The following RIMS2 variants were observed in gnomAD, a reference collection of about 807,000 sequenced individuals.
RIMS2 encodes regulating synaptic membrane exocytosis protein 2.
A neutral mutation model predicts 174.4 loss-of-function variants in RIMS2; 59 were observed. The observed-to-expected ratio is 0.34, with a 90% CI of 0.27 to 0.42. The LOEUF is 0.42. Among genes scored for constraint, RIMS2 ranks in the 10% least tolerant of loss-of-function variants. The pLI, the probability that RIMS2 is intolerant of heterozygous loss-of-function variation, is 1.00. For synonymous variants in RIMS2, 606 were observed against 572.5 expected (o/e 1.06, Z -0.84); for missense variants, 1,620 against 1,666.3 (o/e 0.97, Z 0.48).
chr8:103,569,161 A>G (rs2433254), intron 1 of RIMS2, among the ~76,000 whole-genome samples: 116,886 of 152,128 alleles, frequency 0.77, 45,090 homozygotes, highest in East Asian at 0.88. Flanking sequence ...AGAGTTTTAC[A>G]GTTTTGGCTT....
intron 13 of RIMS2, among the ~76,000 whole-genome samples, chr8:103,940,420 C>T (rs1334473216): frequency 6.6e-6 from 1 of 152,160 alleles, no homozygotes; most frequent in Non-Finnish European, 1.5e-5. Flanking sequence ...CCCACTGGGT[C>T]TCTCCCATGA....
At chr8:103,882,181 C>A (rs1270875706) in intron 3 of RIMS2, among the ~76,000 whole-genome samples, 6 of 151,172 alleles carry the variant, frequency 4.0e-5, no homozygotes, top group African/African-American at 1.5e-4. Context: ...AAATATTTTC[C>A]ACCTGATGAT....
chr8:104,247,789 G>T (rs1235423612), intron 20 of RIMS2, among the ~76,000 whole-genome samples: 1 of 152,164 alleles, frequency 6.6e-6, no homozygotes, highest in Non-Finnish European at 1.5e-5. Flanking sequence ...TGTAGACTAA[G>T]CAATTGGAAC....
chr8:104,061,957 C>T (rs2097001766), intron 19 of RIMS2, among the ~76,000 whole-genome samples: 1 of 151,844 alleles, frequency 6.6e-6, no homozygotes, highest in Admixed American at 6.6e-5. Context: ...GGTCAAAAAT[C>T]AAATGATCTA....
At chr8:103,859,061 T>A (rs1003359914) in intron 3 of RIMS2, among the ~76,000 whole-genome samples, 6 of 152,170 alleles carry the variant, frequency 3.9e-5, no homozygotes, top group African/African-American at 1.4e-4. Context: ...AATGTTATAA[T>A]TGGATACAGA....
At chr8:104,168,769 T>A (rs2441879) in intron 19 of RIMS2, among the ~76,000 whole-genome samples, 42,300 of 152,096 alleles carry the variant, frequency 0.28, 6,216 homozygotes, top group South Asian at 0.44. Context: ...TTCAGTATGA[T>A]GTTGGCTGTG....
At position 103,551,402 on chromosome 8, in the gene RIMS2, C is replaced by G. The variant is rs138854257; in HGVS notation, c.176+50340C>G. 7.3e-3 allele frequency among the ~76,000 whole-genome samples: 1,111 copies of G among 152,246 alleles called. 12 individuals carry two copies. Among genetic ancestry groups the G allele is most frequent in the Middle Eastern group, 0.01 (3 of 294 alleles). On this transcript the variant is annotated intron_variant, in intron 1 of 23. Transcript: ENST00000504942. ...AGGCCTTTGACAAAATTCAACAGCACTTCATTCTAAAAACTCTCAATAAAC... is the reference window on the plus strand; with the variant it reads ...AGGCCTTTGACAAAATTCAACAGCAGTTCATTCTAAAAACTCTCAATAAAC...
intron 16 of RIMS2, among the ~76,000 whole-genome samples, chr8:103,986,516 A>G (rs1361310237): frequency 6.6e-6 from 1 of 152,230 alleles, no homozygotes; most frequent in African/African-American, 2.4e-5. Context: ...GGAAACAACT[A>G]CAGATAAGAA....
intron 19 of RIMS2, among the ~76,000 whole-genome samples, chr8:104,235,683 T>G (rs1364378186): frequency 6.6e-6 from 1 of 152,180 alleles, no homozygotes; most frequent in East Asian, 1.9e-4. Context: ...TTCACATACA[T>G]ACACCACATA....
rs143840476 is a variant in RIMS2 at position 103,678,413 on chromosome 8, T to A, written c.177-18673T>A. Reference sequence around the variant, plus strand: ...GAGATTAATGAGATAATTACATACATGAACAAAAGGTGCAACTGTAGTAAA... The same window carrying A: ...GAGATTAATGAGATAATTACATACAAGAACAAAAGGTGCAACTGTAGTAAA... On this transcript the variant is annotated intron_variant, in intron 1 of 23. Coordinates refer to ENST00000504942, the Ensembl canonical transcript of RIMS2. Among the ~76,000 whole-genome samples the A allele has an allele frequency of 4.2e-3, 642 of 152,236 alleles. 4 individuals carry two copies. Among genetic ancestry groups the A allele is most frequent in the African/African-American group, 0.015 (612 of 41,568 alleles).
chr8:103,869,724 T>C (rs892787935), intron 3 of RIMS2, among the ~76,000 whole-genome samples: 3 of 152,224 alleles, frequency 2.0e-5, no homozygotes, highest in Non-Finnish European at 4.4e-5. Flanking sequence ...TAAGGGGCAC[T>C]TATACAAGTT....
intron 19 of RIMS2, among the ~76,000 whole-genome samples, chr8:104,042,340 A>G (rs1344444671): frequency 1.3e-5 from 2 of 151,640 alleles, no homozygotes; most frequent in Non-Finnish European, 3.0e-5. Flanking sequence ...TATGAAGATT[A>G]TGTAGGTTAC....
chr8:103,857,683 T>C (rs1406484415), intron 3 of RIMS2, among the ~76,000 whole-genome samples: 1 of 152,218 alleles, frequency 6.6e-6, no homozygotes. Context: ...CTAATCAATT[T>C]GTTGTTTTTA....
chr8:103,902,422 A>G (rs2073346128), intron 4 of RIMS2, among the ~76,000 whole-genome samples: 2 of 152,078 alleles, frequency 1.3e-5, no homozygotes, highest in African/African-American at 4.8e-5. Flanking sequence ...TGTGACTCAT[A>G]TACAAAGCCA....
At chr8:104,100,928 TG>T in intron 19 of RIMS2, among the ~76,000 whole-genome samples, 1 of 119,182 alleles carries the variant, frequency 8.4e-6, no homozygotes, top group East Asian at 2.5e-4. Context: ...ATTATATATG[TG>T]ATATATTATA....
At chr8:103,596,699 TCTGA>T (rs1454729055) in intron 1 of RIMS2, among the ~76,000 whole-genome samples, 3 of 152,030 alleles carry the variant, frequency 2.0e-5, no homozygotes, top group Non-Finnish European at 4.4e-5. Flanking sequence ...AATAAAAATA[TCTGA>T]CTGATTCTAA....
At chr8:103,970,709 C>T (rs1024864038) in intron 15 of RIMS2, among the ~76,000 whole-genome samples, 3 of 152,128 alleles carry the variant, frequency 2.0e-5, no homozygotes, top group Admixed American at 1.3e-4. Context: ...CCTGTTTTTG[C>T]CTGTCTCTTC....
rs1342654409 is a variant in RIMS2, at chr8:103,606,443, A to G, written c.177-90643A>G. On this transcript the variant is annotated intron_variant, in intron 1 of 23. Transcript: ENST00000504942. ...CAAGTATGTGGTCAATTTTGGAATA[A>G]GTGTGGTGTGGTGCTGAAAAAAATG... 1.2e-3 allele frequency among the ~76,000 whole-genome samples: 189 copies of G among 151,646 alleles called. 2 individuals carry two copies. Among genetic ancestry groups the G allele is most frequent in the South Asian group, 0.011 (54 of 4,774 alleles).
At chr8:103,677,752 C>T (rs1042133163) in intron 1 of RIMS2, among the ~76,000 whole-genome samples, 2 of 152,018 alleles carry the variant, frequency 1.3e-5, no homozygotes, top group Non-Finnish European at 2.9e-5. Flanking sequence ...AGGTAGCCCC[C>T]CAACCAGAAC....
Sources: allele counts gnomAD v4.1 joint callset (sites outside exome capture counted in the v4.1 genomes callset), GRCh38; gene constraint gnomAD v4.1.1; transcripts MANE v1.5; gene names NCBI Gene and HGNC (gene_info 2026-07-23, HGNC 2026-07-21).